Variants in NAA60 observed in about 807,000 individuals in gnomAD.
The protein encoded by NAA60 is N-alpha-acetyltransferase 60, NatF catalytic subunit.
NAA60 carries 8 observed loss-of-function variants against 26.1 expected under a neutral mutation model. That is an observed-to-expected ratio of 0.31 (90% CI 0.18 to 0.55). The LOEUF is 0.55. NAA60 is among the 20% of genes least tolerant of loss of function. The pLI is 0.93. For missense variants in NAA60, 290 were observed against 311.3 expected (o/e 0.93, Z 0.51); for synonymous variants, 131 against 122.5 (o/e 1.07, Z -0.46).
chr16:3,447,087 C>T (rs532917686), intron 1 of NAA60, among the ~76,000 whole-genome samples: 35 of 152,306 alleles, frequency 2.3e-4, no homozygotes, highest in Admixed American at 4.6e-4. Flanking sequence ...GTGATCTGCC[C>T]GCCTTGGCCT....
Position 3,480,856 on chromosome 16 carries a change from C to T in NAA60, c.240+1256C>T, listed in dbSNP as rs745494074. On this transcript the variant is annotated intron_variant, in intron 4 of 7. Coordinates refer to ENST00000407558, the MANE Select transcript of NAA60 (RefSeq NM_001083601.3). ...AGGAGGCAGTGGAGGTTGCAGTGAG[C>T]GGAGATTGCACTTTTGCACTCCAGC... Among the ~76,000 whole-genome samples the T allele has an allele frequency of 4.6e-5, 7 of 152,206 alleles. No homozygotes were observed. The East Asian group carries it at 1.2e-3, about 25-fold the overall frequency.
intron 2 of NAA60, chr16:3,462,810 C>G (rs2035496828): frequency 6.6e-6 from 1 of 152,136 alleles, no homozygotes; most frequent in Non-Finnish European, 1.5e-5. Context: ...CACATGAATT[C>G]TTACTTTACT....
intron 2 of NAA60, among the ~76,000 whole-genome samples, chr16:3,474,612 C>G (rs1002442295): frequency 6.6e-6 from 1 of 152,216 alleles, no homozygotes; most frequent in African/African-American, 2.4e-5. Flanking sequence ...AGGCTGGGCT[C>G]GCCCTGCCAG....
At chr16:3,454,508 T>C (rs1420814405) in intron 2 of NAA60, among the ~76,000 whole-genome samples, 3 of 152,052 alleles carry the variant, frequency 2.0e-5, no homozygotes. Context: ...ATAGCAAAAC[T>C]TTATGGAACC....
chr16:3,464,992 GT>G (rs2035646608), intron 2 of NAA60, among the ~76,000 whole-genome samples: 1 of 152,208 alleles, frequency 6.6e-6, no homozygotes, highest in African/African-American at 2.4e-5. Flanking sequence ...AAGGGGCCGG[GT>G]GCAGTGGCTC....
At position 3,482,574 on chromosome 16, in the gene NAA60, AAAGAGTTCAGG is replaced by A. The variant is rs1567400303; in HGVS notation, c.317_327del (p.Glu106AlafsTer9). The A allele has an allele frequency of 6.2e-7, 1 of 1,607,998 alleles. No homozygotes were observed. On this transcript the variant is annotated frameshift_variant, in exon 5 of 8. Coordinates refer to ENST00000407558, the MANE Select transcript of NAA60 (RefSeq NM_001083601.3). LOFTEE classifies it high-confidence loss of function. ...GTACATCCTAAGTCTGGGCGTCGTG[AAAGAGTTCAGG>A]AAGCACGGCATAGGTAAGGGCAGCC...
At chr16:3,474,826 C>T (rs1405900696) in intron 2 of NAA60, among the ~76,000 whole-genome samples, 1 of 152,104 alleles carries the variant, frequency 6.6e-6, no homozygotes, top group African/African-American at 2.4e-5. Context: ...GTCATTATTT[C>T]TACTTTTATT....
chr16:3,458,430 G>C (rs1392571803), intron 2 of NAA60, among the ~76,000 whole-genome samples: 1 of 152,166 alleles, frequency 6.6e-6, no homozygotes, highest in East Asian at 1.9e-4. Flanking sequence ...CTCTCATGCT[G>C]GGTGGGAGTC....
At chr16:3,469,445 C>T (rs1271376881) in intron 2 of NAA60, among the ~76,000 whole-genome samples, 4 of 149,760 alleles carry the variant, frequency 2.7e-5, no homozygotes, top group Admixed American at 6.7e-5. Flanking sequence ...GGTACCCATC[C>T]TGTTTGGAGG....
chr16:3,454,948 C>T (rs58141374), intron 2 of NAA60, among the ~76,000 whole-genome samples: 2 of 152,104 alleles, frequency 1.3e-5, no homozygotes, highest in African/African-American at 2.4e-5. Flanking sequence ...GGTGCCTAAC[C>T]GAATGAACCG....
At chr16:3,460,077 C>T (rs1006454388) in intron 2 of NAA60, among the ~76,000 whole-genome samples, 4 of 152,098 alleles carry the variant, frequency 2.6e-5, no homozygotes, top group Non-Finnish European at 5.9e-5. Flanking sequence ...GATACAGAAT[C>T]CAGAATGGTC....
intron 3 of NAA60, among the ~76,000 whole-genome samples, chr16:3,478,510 C>T (rs2036622572): frequency 1.3e-5 from 2 of 152,196 alleles, no homozygotes; most frequent in Non-Finnish European, 2.9e-5. Flanking sequence ...ACCCTAGAAA[C>T]TCCATGTGCC....
intron 7 of NAA60, 82 bp from the exon 8 acceptor site, chr16:3,485,385 G>C (rs1198518184): frequency 2.1e-6 from 1 of 468,846 alleles, no homozygotes; most frequent in South Asian, 1.5e-5. Context: ...AGGCCCAGCT[G>C]TGTGGCCCAT....
intron 2 of NAA60, among the ~76,000 whole-genome samples, chr16:3,475,093 C>CTT (rs3031367): frequency 0.065 from 8,717 of 135,100 alleles, 991 homozygotes; most frequent in African/African-American, 0.22. Flanking sequence ...CCATCCTTTC[C>CTT]TTTTTTTTTT....
chr16:3,463,728 A>G (rs1243543530), intron 2 of NAA60, among the ~76,000 whole-genome samples: 2 of 151,228 alleles, frequency 1.3e-5, no homozygotes, highest in Admixed American at 1.3e-4. Flanking sequence ...AATTCAACCT[A>G]GACTTGGTGG....
At chr16:3,443,925 C>A (rs770978605) in intron 1 of NAA60, 88 bp downstream of exon 1, 12 of 1,456,848 alleles carry the variant, frequency 8.2e-6, no homozygotes, top group Admixed American at 2.5e-5. Flanking sequence ...CGGGCCTAGC[C>A]TGGGCTTGAG....
At chr16:3,476,149 C>A in intron 2 of NAA60, 73 bp from the exon 3 acceptor site, 1 of 1,182,392 alleles carries the variant, frequency 8.5e-7, no homozygotes, top group Non-Finnish European at 1.2e-6. Context: ...TCTTCTGTCT[C>A]GCCTGCCTCA....
chr16:3,459,844 C>G (rs901480887), intron 2 of NAA60, among the ~76,000 whole-genome samples: 4 of 152,048 alleles, frequency 2.6e-5, no homozygotes, highest in African/African-American at 4.8e-5. Flanking sequence ...TTGACCAGGC[C>G]GGGACAGTAT....
intron 5 of NAA60, 26 bp from the exon 6 acceptor site, chr16:3,483,337 C>T (rs750858110): frequency 6.5e-7 from 1 of 1,535,278 alleles, no homozygotes; most frequent in South Asian, 1.2e-5. Context: ...GCTCTGCCTG[C>T]ATTACCTTTA....
Sources: allele counts gnomAD v4.1 joint callset (sites outside exome capture counted in the v4.1 genomes callset), GRCh38; gene constraint gnomAD v4.1.1; transcripts MANE v1.5; gene names NCBI Gene and HGNC (gene_info 2026-07-23, HGNC 2026-07-21).